Variants in PCDHA9 observed in about 807,000 individuals in gnomAD.
PCDHA9 encodes the protein protocadherin alpha-9.
A neutral mutation model predicts 62.0 loss-of-function variants in PCDHA9; 62 were observed. The observed-to-expected ratio is 1.00, with a 90% CI of 0.81 to 1.23. PCDHA9 has a LOEUF of 1.23. Among genes scored for constraint, PCDHA9 ranks in the 50% most tolerant of loss-of-function variants. The probability of loss-of-function intolerance (pLI) is 0.00; values close to 1 mark genes in which losing one functional copy is unlikely to be tolerated. For synonymous variants in PCDHA9, 557 were observed against 567.6 expected, an observed-to-expected ratio of 0.98 and a Z score of 0.27; for missense variants, 1,205 against 1,249.8, an observed-to-expected ratio of 0.96 and a Z score of 0.54.
chr5:141,008,999 G>A (rs1389698923), intron 3 of PCDHA9, among the ~76,000 whole-genome samples: 1 of 152,200 alleles, frequency 6.6e-6, no homozygotes, highest in African/African-American at 2.4e-5. Context: ...ACTAAAAGGA[G>A]CATATTTTGC....
intron 1 of PCDHA9, chr5:140,865,952 T>C (rs2049067031): frequency 6.6e-6 from 1 of 152,220 alleles, no homozygotes; most frequent in Non-Finnish European, 1.5e-5. Context: ...GTCTTCATCA[T>C]TAATTTTGTA....
At position 140,992,156 on chromosome 5, in the gene PCDHA9, A is replaced by G. The variant is rs79603129; in HGVS notation, c.2542+9593A>G. On this transcript the variant is annotated intron_variant, in intron 3 of 3. Coordinates refer to ENST00000532602, the MANE Select transcript of PCDHA9 (RefSeq NM_031857.2). ...TGATGATGCTAACTTTGCTCAATCA[A>G]GAAGTGTGATCCATTTAAATCATGC... Among the ~76,000 whole-genome samples the G allele has an allele frequency of 2.1e-3, 313 of 152,232 alleles. 2 individuals carry two copies. The highest frequency in any genetic ancestry group is 3.8e-3 in the Non-Finnish European group (258 of 67,998).
At chr5:140,991,472 C>G (rs1480480128) in intron 3 of PCDHA9, among the ~76,000 whole-genome samples, 1 of 152,172 alleles carries the variant, frequency 6.6e-6, no homozygotes, top group African/African-American at 2.4e-5. Context: ...TCTTACAGTT[C>G]TGGAAGTCAG....
chr5:140,909,234 A>G (rs782659410), intron 1 of PCDHA9, among the ~76,000 whole-genome samples: 12 of 152,220 alleles, frequency 7.9e-5, no homozygotes, highest in Non-Finnish European at 1.3e-4. Context: ...GTAGGATGGT[A>G]AAGATATATT....
intron 1 of PCDHA9, chr5:140,882,304 G>A (rs1046715245): frequency 1.2e-6 from 2 of 1,613,750 alleles, no homozygotes; most frequent in Non-Finnish European, 1.7e-6. Context: ...CAAGACCGCG[G>A]CAACTACTGC....
At position 140,857,233 on chromosome 5, in the gene PCDHA9, G is replaced by A. The variant is rs1308790390; in HGVS notation, c.2394+6344G>A. The A allele has an allele frequency of 4.4e-6, 7 of 1,598,456 alleles. 1 individual carries two copies. Among genetic ancestry groups the A allele is most frequent in the Non-Finnish European group, 6.0e-6 (7 of 1,167,974 alleles). On this transcript the variant is annotated intron_variant, in intron 1 of 3. Coordinates refer to ENST00000532602, the MANE Select transcript of PCDHA9 (RefSeq NM_031857.2). Reference sequence around the variant, plus strand: ...CTCTGACGCCTCACGTTCCGTTCAAGCTGGTGTCCACCTACAAGAATTACT... The same window carrying A: ...CTCTGACGCCTCACGTTCCGTTCAAACTGGTGTCCACCTACAAGAATTACT...
At chr5:140,887,494 CT>C (rs1439502451) in intron 1 of PCDHA9, among the ~76,000 whole-genome samples, 1 of 152,128 alleles carries the variant, frequency 6.6e-6, no homozygotes, top group Non-Finnish European at 1.5e-5. Flanking sequence ...TGCATAGTTT[CT>C]AATAAGATGT....
At chr5:140,856,264 C>A (rs1309055685) in intron 1 of PCDHA9, 7 of 1,598,114 alleles carry the variant, frequency 4.4e-6, no homozygotes, top group South Asian at 3.3e-5. Flanking sequence ...GACACGGGGA[C>A]CTTCTGGAGG....
At chr5:140,993,996 G>C (rs1163632974) in intron 3 of PCDHA9, among the ~76,000 whole-genome samples, 1 of 152,148 alleles carries the variant, frequency 6.6e-6, no homozygotes, top group Non-Finnish European at 1.5e-5. Flanking sequence ...CTTAGGTCAG[G>C]CCAGGCTCTG....
At chr5:141,004,580 A>T (rs782539696) in intron 3 of PCDHA9, among the ~76,000 whole-genome samples, 1 of 152,222 alleles carries the variant, frequency 6.6e-6, no homozygotes, top group Non-Finnish European at 1.5e-5. Context: ...TGTGTTCTGC[A>T]TCTCCAGATG....
intron 1 of PCDHA9, among the ~76,000 whole-genome samples, chr5:140,887,165 C>T (rs1451761224): frequency 1.3e-5 from 2 of 151,306 alleles, no homozygotes; most frequent in Non-Finnish European, 2.9e-5. Flanking sequence ...GGCGTGATCT[C>T]GGCTCACTGC....
In PCDHA9 at chr5:140,862,537, C is replaced by A. The variant is rs56017024; in HGVS notation, c.2394+11648C>A. The A allele has an allele frequency of 9.8e-3, 4,308 of 440,540 alleles. 34 individuals carry two copies. The highest frequency in any genetic ancestry group is 0.014 in the Non-Finnish European group (3,070 of 217,342). The allele number at this position is 440,540 out of a possible 1,614,324, so 27.3% of individuals were successfully genotyped here. A position where few individuals can be genotyped will look rare whatever the true frequency, so the allele number is the denominator to read the frequency against. On this transcript the variant is annotated intron_variant, in intron 1 of 3. Transcript: ENST00000532602. The stretch of plus-strand genomic sequence containing the variant: ...CATTGTTGGCCACAGCCATCGGGTC[C>A]GTGGAAGTGGCCGAACAGTGAACCA...
chr5:141,004,037 G>C (rs946974688), intron 3 of PCDHA9, among the ~76,000 whole-genome samples: 1 of 152,200 alleles, frequency 6.6e-6, no homozygotes, highest in African/African-American at 2.4e-5. Context: ...TTCCTTGATT[G>C]ATCATTTGCT....
chr5:140,906,175 G>T (rs1177661963), intron 1 of PCDHA9, among the ~76,000 whole-genome samples: 18 of 152,058 alleles, frequency 1.2e-4, no homozygotes, highest in African/African-American at 4.1e-4. Flanking sequence ...ACAATACTTT[G>T]CATCCTTCAA....
At chr5:140,936,768 G>C (rs1554211177) in intron 1 of PCDHA9, among the ~76,000 whole-genome samples, 2 of 152,042 alleles carry the variant, frequency 1.3e-5, no homozygotes, top group African/African-American at 4.8e-5. Flanking sequence ...AATTGTGTAA[G>C]TTCTCTCACT....
In PCDHA9 at chr5:140,850,517, G is replaced by A; in HGVS notation, c.2022G>A (p.Gln674=). Residue 674 remains glutamine (Q), a synonymous_variant, in exon 1 of 4, where the codon CAG becomes CAA. Coordinates refer to ENST00000532602, the MANE Select transcript of PCDHA9 (RefSeq NM_031857.2). ...TVLVSLVESG[Q]APKSSSRASV... ...TGGTGTCGCTGGTGGAGAGCGGCCA[G>A]GCGCCAAAGTCATCGTCGCGGGCGT... is the stretch of plus-strand genomic sequence containing the variant. 1 of 1,598,300 alleles carries A rather than the reference G, an allele frequency of 6.3e-7. No homozygotes were observed. Among genetic ancestry groups the A allele is most frequent in the Non-Finnish European group, 8.6e-7 (1 of 1,167,844 alleles).
chr5:140,989,533 T>A (rs114286041), intron 3 of PCDHA9, among the ~76,000 whole-genome samples: 1 of 152,158 alleles, frequency 6.6e-6, no homozygotes, highest in Non-Finnish European at 1.5e-5. Context: ...AGGAGGAAGA[T>A]AGTTTGTAAT....
Position 140,869,207 on chromosome 5 carries a change from T to C in PCDHA9, c.2394+18318T>C, listed in dbSNP as rs781925229. ...GGGAGCGGCCAGCTCCACTACTCCG[T>C]CTCGGAGGAGGCCAAACACGGCACC... On this transcript the variant is annotated intron_variant, in intron 1 of 3. Transcript: ENST00000532602. 3.7e-6 allele frequency: 6 copies of C among 1,613,842 alleles called. No homozygotes were observed. The African/African-American group carries it at 5.3e-5, about 14-fold the overall frequency.
In PCDHA9 at chr5:140,856,586, G is replaced by A. The variant is rs1185371115; in HGVS notation, c.2394+5697G>A. 7 of 1,597,236 alleles carry A rather than the reference G, an allele frequency of 4.4e-6. 1 individual carries two copies. The highest frequency in any genetic ancestry group is 6.0e-6 in the Non-Finnish European group (7 of 1,166,914). ...CAGTCCAAATGAGTATTTTGTTCTT[G>A]ATATTATAAACAAAAAAGACAAAGA... On this transcript the variant is annotated intron_variant, in intron 1 of 3. Coordinates refer to ENST00000532602, the MANE Select transcript of PCDHA9 (RefSeq NM_031857.2).
Sources: gnomAD v4.1 joint callset for allele counts (sites outside exome capture counted in the v4.1 genomes callset) on GRCh38, gnomAD v4.1.1 for gene constraint, MANE v1.5 for transcripts, NCBI Gene and HGNC (gene_info 2026-07-23, HGNC 2026-07-21) for gene names.